The following ZSWIM3 variants were observed in gnomAD, a reference collection of about 807,000 sequenced individuals.
The protein encoded by ZSWIM3 is zinc finger SWIM domain-containing protein 3.
In ZSWIM3, 27 loss-of-function variants were observed where a neutral mutation model predicts 47.5. The observed-to-expected ratio is 0.57, with a 90% CI of 0.42 to 0.78. The LOEUF (loss-of-function observed/expected upper bound fraction) is 0.78. ZSWIM3 is among the 30% of genes least tolerant of loss of function. The probability of loss-of-function intolerance (pLI) is 0.00; values close to 1 mark genes in which losing one functional copy is unlikely to be tolerated. For missense variants in ZSWIM3, 689 were observed against 861.3 expected, an observed-to-expected ratio of 0.80 and a Z score of 2.50; for synonymous variants, 333 against 333.9, an observed-to-expected ratio of 1.00 and a Z score of 0.03.
intron 1 of ZSWIM3, among the ~76,000 whole-genome samples, chr20:45,864,947 G>T (rs147277993): frequency 0.027 from 4,155 of 152,266 alleles, 154 homozygotes; most frequent in East Asian, 0.13. Flanking sequence ...CAGGTGGGTG[G>T]ATCATGAGGT....
chr20:45,874,167 A>G (rs1226142298), intron 1 of ZSWIM3, among the ~76,000 whole-genome samples: 2 of 152,210 alleles, frequency 1.3e-5, no homozygotes, highest in East Asian at 3.9e-4. Flanking sequence ...GGATTGCTCA[A>G]GCCCAGAAGT....
chr20:45,872,630 C>A, intron 1 of ZSWIM3: 1 of 1,024,048 alleles, frequency 9.8e-7, no homozygotes, highest in Non-Finnish European at 1.3e-6. Flanking sequence ...TGAGACAGAG[C>A]ATGGTGAACA....
At chr20:45,861,203 G>A (rs1426684547) in intron 1 of ZSWIM3, among the ~76,000 whole-genome samples, 1 of 152,154 alleles carries the variant, frequency 6.6e-6, no homozygotes, top group Non-Finnish European at 1.5e-5. Flanking sequence ...ATGGCTTGAG[G>A]CCAGGCATTC....
intron 1 of ZSWIM3, among the ~76,000 whole-genome samples, chr20:45,870,002 C>T (rs1025542471): frequency 8.1e-5 from 12 of 148,132 alleles, no homozygotes; most frequent in African/African-American, 2.8e-4. Flanking sequence ...CGAGATCTTG[C>T]CACTGCACTC....
At chr20:45,868,565 TAG>T (rs1279499967) in intron 1 of ZSWIM3, among the ~76,000 whole-genome samples, 1 of 151,998 alleles carries the variant, frequency 6.6e-6, no homozygotes, top group African/African-American at 2.4e-5. Flanking sequence ...GTATTTTTAG[TAG>T]AGACAGGGTT....
At chr20:45,865,091 G>C (rs1322895372) in intron 1 of ZSWIM3, among the ~76,000 whole-genome samples, 3 of 152,096 alleles carry the variant, frequency 2.0e-5, no homozygotes, top group Non-Finnish European at 4.4e-5. Context: ...GGCCGAGGCG[G>C]GCGGATCACT....
intron 1 of ZSWIM3, among the ~76,000 whole-genome samples, chr20:45,861,568 T>A (rs772107965): frequency 6.6e-6 from 1 of 151,952 alleles, no homozygotes; most frequent in Non-Finnish European, 1.5e-5. Flanking sequence ...GGTTGGTGGG[T>A]TGGGATTTGT....
rs763364161 is a variant in ZSWIM3, at chr20:45,877,688, G to A, written c.1130G>A (p.Trp377Ter). The change falls in exon 2 of 2, where the codon TGG (tryptophan) becomes TAG (stop). Residue 377 changes from tryptophan (W) to a stop codon, truncating the protein, a stop_gained. Coordinates refer to ENST00000255152, the MANE Select transcript of ZSWIM3 (RefSeq NM_080752.4). LOFTEE classifies it high-confidence loss of function. ...CACTGGTTCACCTGTGAACTGCTGT[G>A]GTACATGCATGTTAGGAAGGGCCTG... ...QAHWFTCELL[W>*]YMHVRKGLLA... The A allele has an allele frequency of 3.7e-6, 6 of 1,613,928 alleles. No individual in the cohort carries two copies. The African/African-American group carries it at 8.0e-5, about 22-fold the overall frequency.
Position 45,877,935 on chromosome 20 carries a change from CTG to C in ZSWIM3, c.1380_1381del (p.Cys460TrpfsTer44). The C allele has an allele frequency of 1.9e-6, 3 of 1,614,178 alleles. No individual in the cohort carries two copies. The highest frequency in any genetic ancestry group is 2.5e-6 in the Non-Finnish European group (3 of 1,180,046). ...TGAAGTCCAAGAAGGCTTTTGGAAT[CTG>C]TGGAGAGAGCCTTACCAGCCTCCCT... ...PLKSKKAFGICGESLTSLPAE... is the reference protein window; with the variant it reads ...PLKSKKAFGIXGESLTSLPAE... On this transcript the variant is annotated frameshift_variant, in exon 2 of 2. Transcript: ENST00000255152. LOFTEE classifies it high-confidence loss of function.
chr20:45,859,816 A>ACAAAAAC (rs1985661243), intron 1 of ZSWIM3, among the ~76,000 whole-genome samples: 1 of 129,304 alleles, frequency 7.7e-6, no homozygotes, highest in Non-Finnish European at 1.6e-5. Flanking sequence ...AAAAAAAAAA[A>ACAAAAAC]CCACAGTTGC....
At chr20:45,859,201 C>G (rs189772545) in intron 1 of ZSWIM3, among the ~76,000 whole-genome samples, 3 of 152,240 alleles carry the variant, frequency 2.0e-5, no homozygotes, top group East Asian at 3.9e-4. Context: ...CGGGCCAACT[C>G]AGAGTTAAAG....
intron 1 of ZSWIM3, chr20:45,872,589 T>C (rs2145791249): frequency 1.4e-6 from 1 of 690,038 alleles, no homozygotes; most frequent in South Asian, 1.8e-5. Context: ...AGGAAGGGCA[T>C]TCCAGACAAA....
Position 45,873,027 on chromosome 20 carries a change from G to A in ZSWIM3, c.156-3687G>A, listed in dbSNP as rs367783104. Among the ~76,000 whole-genome samples, 14 of 152,258 alleles carry A rather than the reference G, an allele frequency of 9.2e-5. 1 individual carries two copies. The East Asian group carries it at 1.2e-3, about 13-fold the overall frequency. On this transcript the variant is annotated intron_variant, in intron 1 of 1. Transcript: ENST00000255152. ...TTCCCTTCCCCTGGTCTTTGGGCTG[G>A]GGCACTCCCTGAGGAGGGAGGGGTG... is the stretch of plus-strand genomic sequence containing the variant.
At chr20:45,864,670 C>G (rs1056660814) in intron 1 of ZSWIM3, among the ~76,000 whole-genome samples, 1 of 151,874 alleles carries the variant, frequency 6.6e-6, no homozygotes, top group African/African-American at 2.4e-5. Flanking sequence ...TGAGACCAGC[C>G]TGCCCGACAT....
chr20:45,865,460 C>T (rs1230311310), intron 1 of ZSWIM3, among the ~76,000 whole-genome samples: 1 of 151,904 alleles, frequency 6.6e-6, no homozygotes, highest in Non-Finnish European at 1.5e-5. Context: ...TGTACTCCAG[C>T]CTGGGTGACA....
chr20:45,876,720 G>A lies in ZSWIM3; in HGVS notation c.162G>A (p.Val54=), dbSNP rs202131969. 1.7e-5 allele frequency: 27 copies of A among 1,611,382 alleles called. No homozygotes were observed. Among genetic ancestry groups the A allele is most frequent in the Non-Finnish European group, 1.6e-5 (19 of 1,178,426 alleles). ...TTACCTCTACCTTCCCTAGGTATGT[G>A]CAGGTGAAATTTGTCTGCATTCGGA... ...GTSIREDILY[V]QVKFVCIRTQ... The change falls in exon 2 of 2, where the codon GTG becomes GTA. Residue 54 remains valine (V), a synonymous_variant. Coordinates refer to ENST00000255152, the MANE Select transcript of ZSWIM3 (RefSeq NM_080752.4).
intron 1 of ZSWIM3, among the ~76,000 whole-genome samples, chr20:45,863,649 T>C (rs931569595): frequency 1.3e-5 from 2 of 152,146 alleles, no homozygotes; most frequent in Admixed American, 6.6e-5. Flanking sequence ...TCCACAAATA[T>C]TGTATTGTTT....
At chr20:45,862,294 C>A (rs528469586) in intron 1 of ZSWIM3, among the ~76,000 whole-genome samples, 1 of 146,152 alleles carries the variant, frequency 6.8e-6, no homozygotes, top group African/African-American at 2.5e-5. Flanking sequence ...ATTACAGGCA[C>A]GCACCACCCC....
intron 1 of ZSWIM3, 53 bp from the exon 2 acceptor site, chr20:45,876,660 TA>T: frequency 6.4e-7 from 1 of 1,560,538 alleles, no homozygotes; most frequent in South Asian, 1.2e-5. Flanking sequence ...CTTATCTTTA[TA>T]AGGGGTGGGG....
Sources: allele counts gnomAD v4.1 joint callset (sites outside exome capture counted in the v4.1 genomes callset), GRCh38; gene constraint gnomAD v4.1.1; transcripts MANE v1.5; gene names NCBI Gene and HGNC (gene_info 2026-07-23, HGNC 2026-07-21).